Variants in KCNIP4 observed in about 807,000 individuals in gnomAD.
KCNIP4 encodes the protein Kv channel-interacting protein 4.
Under a neutral mutation model 34.0 loss-of-function variants are expected in KCNIP4, and 12 were observed. That is an observed-to-expected ratio of 0.35 (90% CI 0.23 to 0.57). The LOEUF is 0.57. Ranked by LOEUF, KCNIP4 falls within the 20% of genes least tolerant of loss-of-function variation. The pLI, the probability that KCNIP4 is intolerant of heterozygous loss-of-function variation, is 0.83. For synonymous variants in KCNIP4, 124 were observed against 102.2 expected, an observed-to-expected ratio of 1.21 and a Z score of -1.29; for missense variants, 238 against 311.7, an observed-to-expected ratio of 0.76 and a Z score of 1.78.
At chr4:20,773,684 T>C (rs1756114874) in intron 3 of KCNIP4, among the ~76,000 whole-genome samples, 1 of 152,218 alleles carries the variant, frequency 6.6e-6, no homozygotes, top group South Asian at 2.1e-4. Context: ...TTGGTGCCTG[T>C]CTGGGTAAAT....
At chr4:21,217,471 A>G (rs1439475447) in intron 1 of KCNIP4, among the ~76,000 whole-genome samples, 4 of 152,194 alleles carry the variant, frequency 2.6e-5, no homozygotes, top group Non-Finnish European at 4.4e-5. Flanking sequence ...AGAAACGACT[A>G]TCAAACAACA....
intron 1 of KCNIP4, among the ~76,000 whole-genome samples, chr4:20,948,357 T>C (rs1732417207): frequency 1.3e-5 from 2 of 152,224 alleles, no homozygotes; most frequent in South Asian, 4.1e-4. Context: ...TATTTTTCAA[T>C]TAATTCAGCC....
At chr4:21,567,111 A>T (rs111364211) in intron 1 of KCNIP4, among the ~76,000 whole-genome samples, 23 of 152,268 alleles carry the variant, frequency 1.5e-4, no homozygotes, top group African/African-American at 4.6e-4. Context: ...TATCTCCTAT[A>T]ATCACTATGA....
chr4:21,508,192 G>A (rs1469359802), intron 1 of KCNIP4, among the ~76,000 whole-genome samples: 1 of 152,046 alleles, frequency 6.6e-6, no homozygotes, highest in Non-Finnish European at 1.5e-5. Flanking sequence ...AACTCTCAAA[G>A]GTACATGTAT....
chr4:20,922,786 A>G (rs1258760663), intron 1 of KCNIP4, among the ~76,000 whole-genome samples: 1 of 152,218 alleles, frequency 6.6e-6, no homozygotes, highest in Non-Finnish European at 1.5e-5. Context: ...TTCTTGCAAG[A>G]TGCCTACAGC....
intron 1 of KCNIP4, among the ~76,000 whole-genome samples, chr4:21,117,030 T>C (rs1221084909): frequency 1.3e-5 from 2 of 152,174 alleles, no homozygotes; most frequent in Admixed American, 6.5e-5. Context: ...CAACTATTGT[T>C]TTCATGTGTC....
intron 1 of KCNIP4, among the ~76,000 whole-genome samples, chr4:21,534,983 C>A (rs1737027862): frequency 6.6e-6 from 1 of 152,068 alleles, no homozygotes; most frequent in Admixed American, 6.6e-5. Context: ...CACTCAATTC[C>A]ATCCCTTTCC....
chr4:21,005,800 G>T (rs1005348258), intron 1 of KCNIP4, among the ~76,000 whole-genome samples: 12 of 152,168 alleles, frequency 7.9e-5, no homozygotes, highest in African/African-American at 2.7e-4. Flanking sequence ...CAGGCCCTCA[G>T]TTAGGTGTCT....
chr4:20,762,125 A>T (rs546041205), intron 3 of KCNIP4, among the ~76,000 whole-genome samples: 1 of 152,324 alleles, frequency 6.6e-6, no homozygotes, highest in African/African-American at 2.4e-5. Flanking sequence ...GAAGTCTAAG[A>T]CCATAGGATT....
chr4:21,898,164 G>C (rs1026800183), intron 1 of KCNIP4, among the ~76,000 whole-genome samples: 2 of 152,126 alleles, frequency 1.3e-5, no homozygotes, highest in African/African-American at 4.8e-5. Context: ...ATGAGCTAAA[G>C]TGCCCTGGGG....
chr4:21,940,827 T>C (rs978625797), intron 1 of KCNIP4, among the ~76,000 whole-genome samples: 1 of 152,190 alleles, frequency 6.6e-6, no homozygotes, highest in Non-Finnish European at 1.5e-5. Context: ...TTTATAAATG[T>C]CTGTTTGTTA....
chr4:21,402,779 C>T (rs1723653970), intron 1 of KCNIP4, among the ~76,000 whole-genome samples: 1 of 152,162 alleles, frequency 6.6e-6, no homozygotes, highest in African/African-American at 2.4e-5. Context: ...CCCACCTCCT[C>T]TGAATGATGT....
intron 1 of KCNIP4, among the ~76,000 whole-genome samples, chr4:21,551,627 C>A (rs1204021628): frequency 1.3e-5 from 2 of 152,014 alleles, no homozygotes; most frequent in African/African-American, 2.4e-5. Context: ...AAATGTGGAG[C>A]TTTTAGAGTT....
intron 1 of KCNIP4, among the ~76,000 whole-genome samples, chr4:21,946,204 T>A (rs926238368): frequency 6.6e-6 from 1 of 151,900 alleles, no homozygotes; most frequent in Non-Finnish European, 1.5e-5. Flanking sequence ...CTAAGTCAGG[T>A]CATAAAATAC....
chr4:20,748,582 ATATATATATATATATATATATATTC>A (rs1752911419), intron 5 of KCNIP4, among the ~76,000 whole-genome samples: 1 of 94,114 alleles, frequency 1.1e-5, no homozygotes. Flanking sequence ...ATATATATAT[ATATATATATATATATATATATATTC>A]CATAAGTAAA....
At chr4:21,537,558 T>C (rs1477293258) in intron 1 of KCNIP4, among the ~76,000 whole-genome samples, 1 of 152,166 alleles carries the variant, frequency 6.6e-6, no homozygotes, top group Non-Finnish European at 1.5e-5. Context: ...CTGTACTGGG[T>C]TGAATAGTGT....
chr4:20,934,793 G>A (rs1730880803), intron 1 of KCNIP4, among the ~76,000 whole-genome samples: 1 of 152,180 alleles, frequency 6.6e-6, no homozygotes, highest in South Asian at 2.1e-4. Flanking sequence ...TACTCATAGA[G>A]CTGCCTTGAC....
chr4:20,953,704 G>C lies in KCNIP4; in HGVS notation c.62-70995C>G, dbSNP rs138945782. The stretch of plus-strand genomic sequence containing the variant: ...TAAATAAATATTCAATAAATACACT[G>C]TAATTTACTGAATGAATGAATGAAT... On this transcript the variant is annotated intron_variant, in intron 1 of 8. Transcript: ENST00000382152. Among the ~76,000 whole-genome samples the C allele has an allele frequency of 2.7e-3, 417 of 152,208 alleles. 3 individuals are homozygous for C. The highest frequency in any genetic ancestry group is 9.6e-3 in the African/African-American group (397 of 41,522).
chr4:21,589,302 A>C (rs1329790902), intron 1 of KCNIP4, among the ~76,000 whole-genome samples: 5 of 142,524 alleles, frequency 3.5e-5, no homozygotes, highest in African/African-American at 1.3e-4. Flanking sequence ...ATGTGTATAG[A>C]TACATATATA....
Sources: gnomAD v4.1 joint callset for allele counts (sites outside exome capture counted in the v4.1 genomes callset) on GRCh38, gnomAD v4.1.1 for gene constraint, MANE v1.5 for transcripts, NCBI Gene and HGNC (gene_info 2026-07-23, HGNC 2026-07-21) for gene names.